Variants in PRKCH observed in about 807,000 individuals in gnomAD.
PRKCH encodes protein kinase C eta type.
Under a neutral mutation model 82.5 loss-of-function variants are expected in PRKCH, and 28 were observed. The observed-to-expected ratio is 0.34, with a 90% CI of 0.25 to 0.47. The LOEUF (loss-of-function observed/expected upper bound fraction) is 0.47. Ranked by LOEUF, PRKCH falls within the 20% of genes least tolerant of loss-of-function variation. PRKCH has a pLI of 1.00. For missense variants in PRKCH, 705 were observed against 881.8 expected, an observed-to-expected ratio of 0.80 and a Z score of 2.54; for synonymous variants, 322 against 327.4, an observed-to-expected ratio of 0.98 and a Z score of 0.18.
intron 10 of PRKCH, among the ~76,000 whole-genome samples, chr14:61,524,436 G>A (rs570191187): frequency 6.6e-6 from 1 of 152,218 alleles, no homozygotes; most frequent in Non-Finnish European, 1.5e-5. Flanking sequence ...TGGCAAGCCG[G>A]TAACTGTGGT....
At chr14:61,378,706 T>C (rs2046458354) in intron 1 of PRKCH, among the ~76,000 whole-genome samples, 1 of 152,194 alleles carries the variant, frequency 6.6e-6, no homozygotes, top group South Asian at 2.1e-4. Flanking sequence ...GGAGTCCCTG[T>C]CTCAGTTAAT....
At chr14:61,332,765 T>G (rs2045806526) in intron 1 of PRKCH, among the ~76,000 whole-genome samples, 1 of 152,234 alleles carries the variant, frequency 6.6e-6, no homozygotes, top group Non-Finnish European at 1.5e-5. Context: ...GCTGCATATT[T>G]ATTCGTAAGT....
At chr14:61,420,052 G>A (rs12590425) in intron 2 of PRKCH, among the ~76,000 whole-genome samples, 87,659 of 152,148 alleles carry the variant, frequency 0.58, 28,191 homozygotes, top group Non-Finnish European at 0.73. Context: ...TGGGCATTCC[G>A]TGGTGAGTGG....
chr14:61,366,747 C>G (rs2046301115), intron 1 of PRKCH, among the ~76,000 whole-genome samples: 1 of 152,066 alleles, frequency 6.6e-6, no homozygotes, highest in African/African-American at 2.4e-5. Flanking sequence ...TCTTCAGCAT[C>G]TCTGTACTTT....
intron 2 of PRKCH, among the ~76,000 whole-genome samples, chr14:61,441,428 C>T (rs1045104092): frequency 6.6e-6 from 1 of 152,144 alleles, no homozygotes; most frequent in African/African-American, 2.4e-5. Context: ...TCACCTCACC[C>T]TTGTTAAAAA....
intron 1 of PRKCH, among the ~76,000 whole-genome samples, chr14:61,197,674 T>C (rs2044450645): frequency 1.3e-5 from 2 of 152,136 alleles, no homozygotes; most frequent in Non-Finnish European, 1.5e-5. Context: ...CATGACCGTA[T>C]CATCTCTTAA....
At chr14:61,389,686 G>A (rs2046645088) in intron 1 of PRKCH, among the ~76,000 whole-genome samples, 1 of 148,698 alleles carries the variant, frequency 6.7e-6, no homozygotes, top group Non-Finnish European at 1.5e-5. Context: ...GGGAGACAGT[G>A]AGACCCTGTC....
intron 1 of PRKCH, among the ~76,000 whole-genome samples, chr14:61,330,496 T>C (rs1439465847): frequency 6.6e-6 from 1 of 152,224 alleles, no homozygotes; most frequent in Non-Finnish European, 1.5e-5. Flanking sequence ...AGGAACACTA[T>C]ATTTGAACCA....
upstream of PRKCH, among the ~76,000 whole-genome samples, chr14:61,321,323 A>G (rs781577828): frequency 5.3e-5 from 8 of 152,134 alleles, no homozygotes; most frequent in Non-Finnish European, 8.8e-5. The surrounding 1 kb of genome is among the most constrained non-coding windows in gnomAD (Gnocchi z 4.1). Context: ...ATCGCTCCCC[A>G]GGTCAGTCTA....
At chr14:61,542,745 A>G (rs114364242) in intron 12 of PRKCH, among the ~76,000 whole-genome samples, 1,887 of 152,288 alleles carry the variant, frequency 0.012, 33 homozygotes, top group African/African-American at 0.043. Context: ...TGGACTTACA[A>G]GTTTGGCATT....
chr14:61,274,149 T>A (rs912966945), intron 1 of PRKCH, among the ~76,000 whole-genome samples: 14 of 152,160 alleles, frequency 9.2e-5, no homozygotes, highest in Admixed American at 9.2e-4. Flanking sequence ...TTCACAGAGG[T>A]GAAAACACAG....
In PRKCH at chr14:61,453,400, A is replaced by G. The variant is rs1288855780; in HGVS notation, c.960+47A>G. The G allele has an allele frequency of 6.9e-6, 11 of 1,592,152 alleles. No individual in the cohort carries two copies. In the Admixed American group the frequency reaches 1.2e-4, roughly 17 times the overall value. ...ATGTCTCGTAATTTAGAAGTTGCTC[A>G]GATGTGATGAGCCCAAATGAGAGCA... On this transcript the variant is annotated intron_variant, in intron 7 of 13. Transcript: ENST00000332981.
At chr14:61,538,744 A>G (rs1165757950) in intron 12 of PRKCH, among the ~76,000 whole-genome samples, 1 of 152,160 alleles carries the variant, frequency 6.6e-6, no homozygotes, top group Non-Finnish European at 1.5e-5. Flanking sequence ...AAAGTATTTG[A>G]CTTTGTTGTT....
chr14:61,191,954 A>G (rs1324281884), intron 1 of PRKCH, among the ~76,000 whole-genome samples: 1 of 152,140 alleles, frequency 6.6e-6, no homozygotes, highest in Non-Finnish European at 1.5e-5. Context: ...AGCTCATCCC[A>G]GGGTCATTGG....
At chr14:61,275,947 G>A (rs2045197660) in intron 1 of PRKCH, among the ~76,000 whole-genome samples, 1 of 152,176 alleles carries the variant, frequency 6.6e-6, no homozygotes, top group South Asian at 2.1e-4. Context: ...TTAATGCAAG[G>A]TGGCAAAGCA....
intron 1 of PRKCH, among the ~76,000 whole-genome samples, chr14:61,388,165 A>G (rs571733976): frequency 1.7e-3 from 256 of 151,912 alleles, no homozygotes; most frequent in African/African-American, 3.8e-3. Flanking sequence ...AAAAAAAAAA[A>G]AAAGAAAGAA....
At chr14:61,340,601 A>G (rs893587018) in intron 1 of PRKCH, among the ~76,000 whole-genome samples, 7 of 152,198 alleles carry the variant, frequency 4.6e-5, no homozygotes, top group Non-Finnish European at 1.0e-4. Context: ...TAATCCTCAC[A>G]GTAGACTGTG....
chr14:61,520,726 G>A (rs1443251397), intron 10 of PRKCH, among the ~76,000 whole-genome samples: 3 of 152,136 alleles, frequency 2.0e-5, no homozygotes, highest in African/African-American at 7.2e-5. Flanking sequence ...AGAATTAGAA[G>A]GATGATTCCA....
intron 1 of PRKCH, among the ~76,000 whole-genome samples, chr14:61,263,873 GTGTGTGTGTGTGTGTGTGTGTGTA>G (rs1477720899): frequency 1.3e-5 from 2 of 150,332 alleles, no homozygotes; most frequent in Non-Finnish European, 3.0e-5. Flanking sequence ...GTGTGTGTGT[GTGTGTGTGTGTGTGTGTGTGTGTA>G]TGTGTGTGTA....
Sources: gnomAD v4.1 joint callset for allele counts (sites outside exome capture counted in the v4.1 genomes callset) on GRCh38, gnomAD v4.1.1 for gene constraint, Gnocchi (gnomAD v3.1) non-coding constraint, MANE v1.5 for transcripts, NCBI Gene and HGNC (gene_info 2026-07-23, HGNC 2026-07-21) for gene names.